Variants in DYNC2H1 observed in about 807,000 individuals in gnomAD.
DYNC2H1 encodes the protein cytoplasmic dynein 2 heavy chain 1.
DYNC2H1 carries 410 observed loss-of-function variants against 570.0 expected under a neutral mutation model. That is an observed-to-expected ratio of 0.72 (90% CI 0.66 to 0.78). DYNC2H1 has a LOEUF of 0.78. Ranked by LOEUF, DYNC2H1 falls within the 30% of genes least tolerant of loss-of-function variation. DYNC2H1 has a pLI of 0.00. For missense variants in DYNC2H1, 4,865 were observed against 5,046.4 expected (o/e 0.96, Z 1.09); for synonymous variants, 1,688 against 1,677.6 (o/e 1.01, Z -0.15).
intron 52 of DYNC2H1, among the ~76,000 whole-genome samples, chr11:103,208,548 A>G (rs887967232): frequency 7.9e-5 from 12 of 152,118 alleles, no homozygotes; most frequent in African/African-American, 2.7e-4. Context: ...TGCACAGGGT[A>G]TGTGGAACAT....
chr11:103,332,245 A>G (rs1490903006), intron 82 of DYNC2H1, among the ~76,000 whole-genome samples: 1 of 151,924 alleles, frequency 6.6e-6, no homozygotes, highest in Non-Finnish European at 1.5e-5. Context: ...CCAAGGAAAG[A>G]ATCAGTGAAA....
At chr11:103,313,690 A>G (rs1867697216) in intron 79 of DYNC2H1, among the ~76,000 whole-genome samples, 1 of 152,248 alleles carries the variant, frequency 6.6e-6, no homozygotes, top group South Asian at 2.1e-4. Flanking sequence ...AACGAGAGTA[A>G]CAATCATATT....
In DYNC2H1 at chr11:103,244,250, A is replaced by G. The variant is rs1864526625; in HGVS notation, c.9918+459A>G. Reference sequence around the variant, plus strand: ...TTGACAGACATCTTTAATGTATCCCAAGATTTGATAATTGTTCAGTGAAAT... The same window carrying G: ...TTGACAGACATCTTTAATGTATCCCGAGATTTGATAATTGTTCAGTGAAAT... On this transcript the variant is annotated intron_variant, in intron 64 of 88. Transcript: ENST00000375735. The surrounding 1 kb of genome is among the most constrained non-coding windows in gnomAD (Gnocchi z 4.3). Among the ~76,000 whole-genome samples the G allele has an allele frequency of 6.6e-6, 1 of 152,056 alleles. No individual in the cohort carries two copies.
At position 103,220,747 on chromosome 11, in the gene DYNC2H1, T is replaced by C. The variant is rs1272102013; in HGVS notation, c.9071T>C (p.Met3024Thr). ...RDILEGVLRL[M>T]GIFDTSWVSM... ...ATTCTTGAAGGAGTTTTAAGGTTGATGGGTATCTTTGATACATCTTGGGTG... is the reference window on the plus strand; with the variant it reads ...ATTCTTGAAGGAGTTTTAAGGTTGACGGGTATCTTTGATACATCTTGGGTG... The change falls in exon 57 of 89, where the codon ATG becomes ACG. Residue 3024 changes from methionine to threonine, a missense_variant. Physicochemically the swap from Met to Thr is moderately conservative, Grantham distance 81. Coordinates refer to ENST00000375735, the MANE Select transcript of DYNC2H1 (RefSeq NM_001377.3). 3 of 1,612,808 alleles carry C rather than the reference T, an allele frequency of 1.9e-6. No homozygotes were observed. The highest frequency in any genetic ancestry group is 3.3e-5 in the Admixed American group (2 of 59,976).
chr11:103,116,702 T>G lies in DYNC2H1; in HGVS notation c.754T>G (p.Leu252Val). The G allele has an allele frequency of 6.3e-7, 1 of 1,596,672 alleles. No individual in the cohort carries two copies. Among genetic ancestry groups the G allele is most frequent in the Non-Finnish European group, 8.5e-7 (1 of 1,172,082 alleles). The change falls in exon 5 of 89, where the codon TTA becomes GTA. Residue 252 changes from leucine to valine, a missense_variant. This residue lies in a region of DYNC2H1 where 1,936 missense variants were observed against 1,962.1 expected (regional missense o/e 0.99). Coordinates refer to ENST00000375735, the MANE Select transcript of DYNC2H1 (RefSeq NM_001377.3). ...HYPESRMLHLLDIIGGSFGRF... is the reference protein window; with the variant it reads ...HYPESRMLHLVDIIGGSFGRF... ...TCCTGAGTCACGAATGTTGCATCTC[T>G]TAGACATCATAGGTACTAGTAAAAA...
intron 83 of DYNC2H1, among the ~76,000 whole-genome samples, chr11:103,390,902 C>T (rs1301313975): frequency 6.6e-5 from 10 of 152,110 alleles, no homozygotes; most frequent in Admixed American, 2.6e-4. Flanking sequence ...GTGGGTAACC[C>T]GACCTTTCTC....
intron 82 of DYNC2H1, among the ~76,000 whole-genome samples, chr11:103,335,901 C>T (rs919188467): frequency 6.6e-6 from 1 of 152,028 alleles, no homozygotes; most frequent in Non-Finnish European, 1.5e-5. Flanking sequence ...TATTGAGGCC[C>T]AGGGAGGTTT....
At chr11:103,410,287 CTT>C (rs201809274) in intron 84 of DYNC2H1, among the ~76,000 whole-genome samples, 1,533 of 152,148 alleles carry the variant, frequency 0.01, 29 homozygotes, top group African/African-American at 0.035. Flanking sequence ...CTAAATCCTC[CTT>C]GAGTCTTTTG....
rs1277429934 is a variant in DYNC2H1 at position 103,171,261 on chromosome 11, C to T, written c.5334+193C>T. Among the ~76,000 whole-genome samples the T allele has an allele frequency of 2.7e-5, 4 of 150,796 alleles. No homozygotes were observed. In the East Asian group the frequency reaches 5.8e-4, roughly 22 times the overall value. On this transcript the variant is annotated intron_variant, in intron 34 of 88. Coordinates refer to ENST00000375735, the MANE Select transcript of DYNC2H1 (RefSeq NM_001377.3). ...CTTTTTTGGTCCTACTTTCATTATT[C>T]TTTTTTTTTGGGGGACAGAGTTTTG...
At position 103,188,554 on chromosome 11, in the gene DYNC2H1, A is replaced by G. The variant is rs114292876; in HGVS notation, c.7198A>G (p.Ile2400Val). The G allele has an allele frequency of 1.1e-3, 1,736 of 1,610,868 alleles. 12 individuals carry two copies. The African/African-American group carries it at 0.02, about 19-fold the overall frequency. Reference protein sequence around the residue: ...ENLEWVGLENIQIVASMSAGG... With the variant: ...ENLEWVGLENVQIVASMSAGG... Reference sequence around the variant, plus strand: ...TTTGGAATGGGTTGGTCTAGAAAATATTCAAATTGTGGCTTCTATGTCAGC... The same window carrying G: ...TTTGGAATGGGTTGGTCTAGAAAATGTTCAAATTGTGGCTTCTATGTCAGC... Residue 2400 changes from isoleucine to valine, a missense_variant, in exon 44 of 89, where the codon ATT becomes GTT. Physicochemically the swap from Ile to Val is conservative, Grantham distance 29 (BLOSUM62 3). Coordinates refer to ENST00000375735, the MANE Select transcript of DYNC2H1 (RefSeq NM_001377.3).
chr11:103,360,346 T>C (rs1940579644), intron 83 of DYNC2H1, among the ~76,000 whole-genome samples: 1 of 152,194 alleles, frequency 6.6e-6, no homozygotes, highest in South Asian at 2.1e-4. Flanking sequence ...TCTAGAACTT[T>C]CTAATTGTAT....
intron 88 of DYNC2H1, 139 bp from the exon 89 acceptor site, chr11:103,478,956 A>G (rs974397521): frequency 2.2e-5 from 21 of 955,108 alleles, no homozygotes; most frequent in Non-Finnish European, 3.0e-5. Context: ...ATTTTGTTGC[A>G]GGGGGATGAT....
chr11:103,281,422 T>G (rs2135339249), intron 71 of DYNC2H1, among the ~76,000 whole-genome samples: 1 of 152,156 alleles, frequency 6.6e-6, no homozygotes, highest in East Asian at 1.9e-4. Flanking sequence ...GGAGAACACT[T>G]TTCTCTGACT....
chr11:103,357,235 G>GA (rs201810989), intron 82 of DYNC2H1, among the ~76,000 whole-genome samples: 69 of 151,564 alleles, frequency 4.6e-4, no homozygotes, highest in African/African-American at 1.5e-3. Flanking sequence ...TATTATTTTA[G>GA]AAAAAAAAGT....
chr11:103,140,370 G>T (rs3018969), intron 17 of DYNC2H1, among the ~76,000 whole-genome samples: 102,561 of 150,962 alleles, frequency 0.68, 35,657 homozygotes, highest in East Asian at 0.77. Context: ...TTTCCATGTT[G>T]AGTGCTTCCT....
At chr11:103,315,948 A>T (rs1481673231) in intron 79 of DYNC2H1, among the ~76,000 whole-genome samples, 1 of 152,036 alleles carries the variant, frequency 6.6e-6, no homozygotes, top group Non-Finnish European at 1.5e-5. Context: ...TTTTAATTTG[A>T]ACTTATTTTA....
intron 70 of DYNC2H1, among the ~76,000 whole-genome samples, chr11:103,276,638 T>C (rs1281070596): frequency 6.6e-6 from 1 of 152,142 alleles, no homozygotes; most frequent in Non-Finnish European, 1.5e-5. Flanking sequence ...GCTATTTTAA[T>C]GTGTTTTTGC....
chr11:103,217,849 A>G (rs1863441637), intron 55 of DYNC2H1, among the ~76,000 whole-genome samples: 1 of 152,228 alleles, frequency 6.6e-6, no homozygotes, highest in East Asian at 1.9e-4. Context: ...CAGAATTTTA[A>G]AAATACTGCA....
In DYNC2H1 at chr11:103,145,482, A is replaced by T. The variant is rs1240850852; in HGVS notation, c.2702+2087A>T. ...TAATGCTGTCACCTGACTGCCTAAGAACCTCTACTGCTTCCTCTACTATTT... is the reference window on the plus strand; with the variant it reads ...TAATGCTGTCACCTGACTGCCTAAGTACCTCTACTGCTTCCTCTACTATTT... On this transcript the variant is annotated intron_variant, in intron 18 of 88. Transcript: ENST00000375735. This position sits in a 1 kb window ranked among gnomAD's most constrained non-coding sequence, Gnocchi z 4.2. Among the ~76,000 whole-genome samples, 3 of 152,146 alleles carry T rather than the reference A, an allele frequency of 2.0e-5. No individual in the cohort carries two copies. Among genetic ancestry groups the T allele is most frequent in the Non-Finnish European group, 4.4e-5 (3 of 68,028 alleles).
Sources: gnomAD v4.1 joint callset for allele counts (sites outside exome capture counted in the v4.1 genomes callset) on GRCh38, gnomAD v4.1.1 for gene constraint, gnomAD v4.1.1 regional missense constraint, Gnocchi (gnomAD v3.1) non-coding constraint, MANE v1.5 for transcripts, NCBI Gene and HGNC (gene_info 2026-07-23, HGNC 2026-07-21) for gene names.